PCDH15: variants seen among roughly 807,000 people sequenced by gnomAD.
PCDH15 encodes protocadherin related 15, also known as protocadherin-15.
In PCDH15, 129 loss-of-function variants were observed where a neutral mutation model predicts 178.5. The ratio of observed to expected loss-of-function variants is 0.72; its 90% confidence interval spans 0.63 to 0.84. PCDH15 has a LOEUF of 0.84. PCDH15 is among the 40% of genes least tolerant of loss of function. The pLI, the probability that PCDH15 is intolerant of heterozygous loss-of-function variation, is 0.00. For synonymous variants in PCDH15, 800 were observed against 732.0 expected (o/e 1.09, Z -1.50); for missense variants, 2,230 against 2,099.9 (o/e 1.06, Z -1.21).
intron 2 of PCDH15, among the ~76,000 whole-genome samples, chr10:55,510,321 A>T (rs1219386377): frequency 6.6e-6 from 1 of 151,994 alleles, no homozygotes; most frequent in Non-Finnish European, 1.5e-5. Context: ...CCAAATTATT[A>T]GTACTTTTTT....
chr10:54,119,956 T>C (rs1458329281), intron 15 of PCDH15, among the ~76,000 whole-genome samples: 1 of 152,048 alleles, frequency 6.6e-6, no homozygotes, highest in East Asian at 1.9e-4. Context: ...TGGTGTGTGA[T>C]GTTCCCCTCC....
At chr10:54,253,491 C>T (rs1451305418) in intron 8 of PCDH15, among the ~76,000 whole-genome samples, 2 of 152,026 alleles carry the variant, frequency 1.3e-5, no homozygotes, top group East Asian at 3.9e-4. Context: ...TCCTCTAGTT[C>T]TGTATCATCC....
intron 2 of PCDH15, among the ~76,000 whole-genome samples, chr10:55,055,535 G>T (rs955997337): frequency 2.0e-5 from 3 of 152,188 alleles, no homozygotes; most frequent in Non-Finnish European, 4.4e-5. Context: ...GGGTGAGGTG[G>T]CTCACACCTG....
chr10:55,221,140 A>G (rs537739925), intron 1 of PCDH15, among the ~76,000 whole-genome samples: 44 of 152,114 alleles, frequency 2.9e-4, no homozygotes, highest in Non-Finnish European at 4.7e-4. Context: ...GAAAGCAGAA[A>G]CAGATAGCAC....
chr10:54,575,155 T>TGGGGGGA (rs1399654920), intron 2 of PCDH15: 1 of 82,692 alleles, frequency 1.2e-5, no homozygotes, highest in African/African-American at 4.9e-5. Flanking sequence ...TGTTGTGGGG[T>TGGGGGGA]GGGGGGAGGG....
intron 15 of PCDH15, among the ~76,000 whole-genome samples, chr10:54,122,040 GACAC>G (rs755929854): frequency 7.9e-6 from 1 of 126,998 alleles, no homozygotes; most frequent in Non-Finnish European, 1.6e-5. Context: ...CACAGAGACA[GACAC>G]ACACACACAC....
At chr10:55,169,035 T>C (rs902079785) in intron 1 of PCDH15, among the ~76,000 whole-genome samples, 3 of 152,186 alleles carry the variant, frequency 2.0e-5, no homozygotes. Context: ...ATTGTGAATC[T>C]TAATTTTTAA....
chr10:54,742,511 G>A (rs142192019), intron 1 of PCDH15, among the ~76,000 whole-genome samples: 3 of 151,944 alleles, frequency 2.0e-5, no homozygotes, highest in South Asian at 4.2e-4. Context: ...AATGTAGATC[G>A]TTGAATGTTG....
intron 32 of PCDH15, chr10:53,822,451 G>T: frequency 6.3e-7 from 1 of 1,597,208 alleles, no homozygotes; most frequent in Middle Eastern, 1.7e-4. Flanking sequence ...GGAGCAGGAG[G>T]AGGAGAAGGA....
chr10:55,564,407 T>C (rs549581023), intron 2 of PCDH15, among the ~76,000 whole-genome samples: 2 of 151,622 alleles, frequency 1.3e-5, no homozygotes, highest in African/African-American at 4.8e-5. Flanking sequence ...AAAAAACGTA[T>C]GAAAGGAATT....
At chr10:54,919,513 A>G (rs16906697) in intron 2 of PCDH15, among the ~76,000 whole-genome samples, 10,031 of 152,210 alleles carry the variant, frequency 0.066, 1,072 homozygotes, top group African/African-American at 0.22. Flanking sequence ...AGCCACACAT[A>G]TAATATCTCT....
chr10:54,715,659 C>A (rs2095471795), intron 1 of PCDH15, among the ~76,000 whole-genome samples: 1 of 151,998 alleles, frequency 6.6e-6, no homozygotes, highest in South Asian at 2.1e-4. Context: ...GGGATAGGAG[C>A]TTCAGTTGCC....
chr10:53,965,070 T>A (rs944128799), intron 21 of PCDH15, among the ~76,000 whole-genome samples: 2 of 151,780 alleles, frequency 1.3e-5, no homozygotes, highest in Non-Finnish European at 2.9e-5. Flanking sequence ...ATTTTTTTTT[T>A]TTTTTGAGAC....
chr10:54,582,542 G>A (rs537051640), intron 2 of PCDH15, among the ~76,000 whole-genome samples: 41 of 151,964 alleles, frequency 2.7e-4, no homozygotes, highest in Non-Finnish European at 4.0e-4. Flanking sequence ...AAACAAAACG[G>A]TAGGTGCTCT....
At chr10:53,882,594 C>T (rs11003906) in intron 26 of PCDH15, among the ~76,000 whole-genome samples, 3,337 of 152,226 alleles carry the variant, frequency 0.022, 105 homozygotes, top group East Asian at 0.13. Context: ...AACTCCTGAC[C>T]TCAAGTGATC....
chr10:55,524,790 T>C (rs1411660596), intron 2 of PCDH15, among the ~76,000 whole-genome samples: 1 of 151,226 alleles, frequency 6.6e-6, no homozygotes, highest in East Asian at 1.9e-4. Flanking sequence ...GGACATTCAA[T>C]AAATGCTCTT....
chr10:55,262,403 C>A (rs1223236888), intron 1 of PCDH15, among the ~76,000 whole-genome samples: 1 of 152,140 alleles, frequency 6.6e-6, no homozygotes, highest in East Asian at 1.9e-4. Context: ...CACCCTGGCC[C>A]ACCATGCTTT....
intron 2 of PCDH15, among the ~76,000 whole-genome samples, chr10:54,655,289 AG>A (rs1565866180): frequency 7.8e-6 from 1 of 128,076 alleles, no homozygotes; most frequent in African/African-American, 2.9e-5. Context: ...AGAGAGAGAG[AG>A]AGAGAGAGAG....
chr10:55,452,347 A>C (rs1839453879), intron 2 of PCDH15, among the ~76,000 whole-genome samples: 1 of 152,124 alleles, frequency 6.6e-6, no homozygotes, highest in Non-Finnish European at 1.5e-5. Context: ...TAACTCAGGG[A>C]AACTTCAGAG....
Sources: allele counts gnomAD v4.1 joint callset (sites outside exome capture counted in the v4.1 genomes callset), GRCh38; gene constraint gnomAD v4.1.1; transcripts MANE v1.5; gene names NCBI Gene and HGNC (gene_info 2026-07-23, HGNC 2026-07-21).